Variants in TMEM266 observed in about 807,000 individuals in gnomAD.
The protein encoded by TMEM266 is transmembrane protein 266.
A neutral mutation model predicts 50.5 loss-of-function variants in TMEM266; 33 were observed. That is an observed-to-expected ratio of 0.65 (90% CI 0.50 to 0.87). TMEM266 has a LOEUF of 0.87. Among genes scored for constraint, TMEM266 ranks in the 40% least tolerant of loss-of-function variants. The pLI, the probability that TMEM266 is intolerant of heterozygous loss-of-function variation, is 0.00. For synonymous variants in TMEM266, 310 were observed against 292.3 expected, an observed-to-expected ratio of 1.06 and a Z score of -0.62; for missense variants, 655 against 695.1, an observed-to-expected ratio of 0.94 and a Z score of 0.65.
rs539564954 is a variant in TMEM266 at position 76,072,052 on chromosome 15, G to A, written c.-97+12036G>A. 4.0e-4 allele frequency among the ~76,000 whole-genome samples: 61 copies of A among 152,232 alleles called. 1 individual carries two copies. Among genetic ancestry groups the A allele is most frequent in the African/African-American group, 1.4e-3 (60 of 41,542 alleles). On this transcript the variant is annotated intron_variant, in intron 1 of 10. Transcript: ENST00000388942. The stretch of plus-strand genomic sequence containing the variant: ...CAGGGCCGGTTTGAAGACAAAGTTT[G>A]GAGAGAAATAAACGTATTTCCAGTT...
At chr15:76,111,990 AC>A (rs1320844963) in intron 1 of TMEM266, 1 of 152,212 alleles carries the variant, frequency 6.6e-6, no homozygotes. Flanking sequence ...ATATAGAGAA[AC>A]CTTAAATGCC....
chr15:76,176,629 T>A (rs2038286988), intron 8 of TMEM266, among the ~76,000 whole-genome samples: 1 of 152,174 alleles, frequency 6.6e-6, no homozygotes, highest in Non-Finnish European at 1.5e-5. Context: ...GCTAAGCCTG[T>A]GGCTCTCTGT....
intron 1 of TMEM266, among the ~76,000 whole-genome samples, chr15:76,066,139 AGTGG>A (rs1468402865): frequency 1.3e-5 from 2 of 152,230 alleles, no homozygotes; most frequent in East Asian, 3.8e-4. Context: ...CTTTACACAT[AGTGG>A]GAATTTAACT....
At chr15:76,174,737 C>A (rs1335882886) in intron 7 of TMEM266, among the ~76,000 whole-genome samples, 4 of 152,188 alleles carry the variant, frequency 2.6e-5, no homozygotes, top group Admixed American at 2.0e-4. Context: ...GTTGCCTGTT[C>A]TGTTCCATTA....
intron 3 of TMEM266, among the ~76,000 whole-genome samples, chr15:76,142,469 G>A (rs568780987): frequency 1.3e-5 from 2 of 152,260 alleles, no homozygotes; most frequent in East Asian, 1.9e-4. Context: ...TGGCTGACAG[G>A]GTAATTCTAT....
intron 1 of TMEM266, among the ~76,000 whole-genome samples, chr15:76,076,637 AGCAAGAAGACCTCATAGTTAG>A (rs2036611842): frequency 6.6e-6 from 1 of 152,092 alleles, no homozygotes; most frequent in Non-Finnish European, 1.5e-5. Flanking sequence ...TCACAGGCAG[AGCAAGAAGACCTCATAGTTAG>A]GCAAGATCAT....
intron 9 of TMEM266, among the ~76,000 whole-genome samples, chr15:76,193,667 G>C (rs1188518143): frequency 1.3e-5 from 2 of 152,144 alleles, no homozygotes; most frequent in African/African-American, 4.8e-5. Context: ...TCCTCTAAGT[G>C]CTTCATACCT....
chr15:76,128,419 C>T (rs866851060), intron 1 of TMEM266, among the ~76,000 whole-genome samples: 5 of 152,200 alleles, frequency 3.3e-5, no homozygotes, highest in Admixed American at 2.6e-4. Context: ...AATACATAGA[C>T]TCATGACCAA....
intron 8 of TMEM266, among the ~76,000 whole-genome samples, chr15:76,182,340 T>TA (rs1379414898): frequency 2.6e-5 from 4 of 151,346 alleles, no homozygotes; most frequent in South Asian, 2.1e-4. Context: ...CAGTAAGGGT[T>TA]AAAAAAAAGA....
chr15:76,178,324 G>A (rs984227450), intron 8 of TMEM266, among the ~76,000 whole-genome samples: 4 of 152,116 alleles, frequency 2.6e-5, no homozygotes, highest in African/African-American at 9.7e-5. Context: ...TAGGCAGAGG[G>A]GGCTGCAGGG....
intron 1 of TMEM266, among the ~76,000 whole-genome samples, chr15:76,087,437 A>G (rs1333442343): frequency 1.3e-5 from 2 of 152,184 alleles, no homozygotes; most frequent in African/African-American, 4.8e-5. Flanking sequence ...GAAAATTGGT[A>G]CACAGGTTTT....
intron 1 of TMEM266, among the ~76,000 whole-genome samples, chr15:76,092,697 A>G (rs1430002142): frequency 4.0e-5 from 6 of 151,538 alleles, no homozygotes; most frequent in Admixed American, 3.3e-4. Context: ...CTCTAAATAA[A>G]TAAATAAATA....
intron 9 of TMEM266, among the ~76,000 whole-genome samples, chr15:76,200,792 G>A (rs533065165): frequency 3.3e-5 from 5 of 152,176 alleles, no homozygotes; most frequent in African/African-American, 1.2e-4. Flanking sequence ...AGTGTAGCTG[G>A]CTGATGAGGA....
At chr15:76,118,425 G>C (rs1173777384) in intron 1 of TMEM266, among the ~76,000 whole-genome samples, 1 of 152,170 alleles carries the variant, frequency 6.6e-6, no homozygotes, top group African/African-American at 2.4e-5. Flanking sequence ...AGCTGGGCCT[G>C]GTGGGCACCT....
At chr15:76,094,619 G>A (rs1352709200) in intron 1 of TMEM266, among the ~76,000 whole-genome samples, 1 of 151,974 alleles carries the variant, frequency 6.6e-6, no homozygotes, top group East Asian at 1.9e-4. Flanking sequence ...GGTTCCATAT[G>A]ATTTTTAATG....
intron 8 of TMEM266, among the ~76,000 whole-genome samples, chr15:76,179,603 C>T (rs781755522): frequency 2.0e-5 from 3 of 152,168 alleles, no homozygotes; most frequent in Admixed American, 6.6e-5. Context: ...AGGCACAGAC[C>T]TGGCTCCCCT....
At chr15:76,118,895 A>T (rs2959825) in intron 1 of TMEM266, among the ~76,000 whole-genome samples, 6,889 of 152,166 alleles carry the variant, frequency 0.045, 499 homozygotes, top group African/African-American at 0.15. Context: ...CAGAGAGAGG[A>T]GTTAGTGAGT....
Position 76,203,766 on chromosome 15 carries a change from G to C in TMEM266, c.1047G>C (p.Val349=). The C allele has an allele frequency of 6.2e-7, 1 of 1,614,052 alleles. No homozygotes were observed. Among genetic ancestry groups the C allele is most frequent in the African/African-American group, 1.3e-5 (1 of 75,036 alleles). ...ACAGCGGTGTCCCAGAGCCAGCTGT[G>C]TGTATGGTCACCACGGCCGCAATAG... is the stretch of plus-strand genomic sequence containing the variant. The change falls in exon 11 of 11, where the codon GTG becomes GTC. Residue 349 remains valine (V), a synonymous_variant. Coordinates refer to ENST00000388942, the MANE Select transcript of TMEM266 (RefSeq NM_152335.3).
In TMEM266 at chr15:76,101,819, C is replaced by T. The variant is rs185946547; in HGVS notation, c.-96-32349C>T. ...ACCCTGCAGGCAGGTCATTTCCCCA[C>T]GCCTGGCCAGCTGCCAACACAGGTT... On this transcript the variant is annotated intron_variant, in intron 1 of 10. Transcript: ENST00000388942. 1.4e-4 allele frequency among the ~76,000 whole-genome samples: 21 copies of T among 152,352 alleles called. No individual in the cohort carries two copies. The East Asian group carries it at 2.3e-3, about 17-fold the overall frequency.
Sources: gnomAD v4.1 joint callset for allele counts (sites outside exome capture counted in the v4.1 genomes callset) on GRCh38, gnomAD v4.1.1 for gene constraint, MANE v1.5 for transcripts, NCBI Gene and HGNC (gene_info 2026-07-23, HGNC 2026-07-21) for gene names.